GRAMD1B: variants seen among roughly 807,000 people sequenced by gnomAD.
GRAMD1B encodes the protein GRAM domain containing 1B.
GRAMD1B carries 37 observed loss-of-function variants against 99.7 expected under a neutral mutation model. The ratio of observed to expected loss-of-function variants is 0.37; its 90% CI spans 0.29 to 0.49. The LOEUF is 0.49. GRAMD1B is among the 20% of genes least tolerant of loss of function. The pLI, the probability that GRAMD1B is intolerant of heterozygous loss-of-function variation, is 0.98. For missense variants in GRAMD1B, 888 were observed against 1,009.2 expected, an observed-to-expected ratio of 0.88 and a Z score of 1.63; for synonymous variants, 427 against 387.6, an observed-to-expected ratio of 1.10 and a Z score of -1.19.
chr11:123,490,677 G>A (rs902504750), intron 2 of GRAMD1B, among the ~76,000 whole-genome samples: 1 of 152,218 alleles, frequency 6.6e-6, no homozygotes, highest in African/African-American at 2.4e-5. Flanking sequence ...GTACATATGG[G>A]TGTGAGAGAA....
Position 123,625,394 on chromosome 11 carries a change from C to T in GRAMD1B, c.*2799C>T, listed in dbSNP as rs1438758009. ...ATTTTAAAGAATTTGCAGTTTCTAACAAGGTGAAGAACAGCTATAGGATCT... is the reference window on the plus strand; with the variant it reads ...ATTTTAAAGAATTTGCAGTTTCTAATAAGGTGAAGAACAGCTATAGGATCT... On this transcript the variant is annotated 3_prime_UTR_variant, in exon 20 of 20. Transcript: ENST00000635736. 1 of 152,196 alleles carries T rather than the reference C, an allele frequency of 6.6e-6. No homozygotes were observed. Among genetic ancestry groups the T allele is most frequent in the Admixed American group, 6.5e-5 (1 of 15,276 alleles). The allele number at this position is 152,196 out of a possible 1,614,324, so 9.4% of individuals were successfully genotyped here. A position where few individuals can be genotyped will look rare whatever the true frequency, so the allele number is the denominator to read the frequency against.
chr11:123,388,714 C>CAAAG (rs910443148), intron 1 of GRAMD1B, among the ~76,000 whole-genome samples: 2 of 145,192 alleles, frequency 1.4e-5, no homozygotes, highest in African/African-American at 5.2e-5. Flanking sequence ...AACAAACAAA[C>CAAAG]AAAGAAGAGG....
chr11:123,381,626 G>A (rs948494548), intron 1 of GRAMD1B: 2 of 152,434 alleles, frequency 1.3e-5, no homozygotes, highest in South Asian at 2.1e-4. Context: ...TAATATATAG[G>A]TTGAAGGTTC....
intron 2 of GRAMD1B, among the ~76,000 whole-genome samples, chr11:123,554,025 C>G (rs1362822908): frequency 6.6e-6 from 1 of 152,100 alleles, no homozygotes; most frequent in Non-Finnish European, 1.5e-5. Flanking sequence ...TTTCCTTGAC[C>G]CTCTTTCACT....
chr11:123,597,256 CTTT>C (rs71060518), intron 7 of GRAMD1B, among the ~76,000 whole-genome samples: 21 of 76,562 alleles, frequency 2.7e-4, no homozygotes, highest in African/African-American at 9.4e-4. Context: ...GCCACTATGC[CTTT>C]TTTTTTTTTT....
chr11:123,358,998 C>T (rs1005257049), intron 1 of GRAMD1B, among the ~76,000 whole-genome samples: 3 of 152,152 alleles, frequency 2.0e-5, no homozygotes, highest in African/African-American at 7.2e-5. Context: ...TATGGTTTGG[C>T]TGAGGTGTCC....
intron 1 of GRAMD1B, among the ~76,000 whole-genome samples, chr11:123,444,759 C>T (rs1003402801): frequency 2.6e-5 from 4 of 152,208 alleles, no homozygotes; most frequent in African/African-American, 9.6e-5. Context: ...AGCACCTGCA[C>T]GAGTTCAGCA....
intron 1 of GRAMD1B, among the ~76,000 whole-genome samples, chr11:123,392,629 A>G (rs982479957): frequency 1.3e-5 from 2 of 152,096 alleles, no homozygotes; most frequent in Non-Finnish European, 2.9e-5. Flanking sequence ...AAGTTTTATC[A>G]TTCTATAAAG....
At chr11:123,543,660 C>T (rs1307816329) in intron 2 of GRAMD1B, among the ~76,000 whole-genome samples, 1 of 152,224 alleles carries the variant, frequency 6.6e-6, no homozygotes, top group African/African-American at 2.4e-5. Flanking sequence ...AGTCAAGTAA[C>T]TGGGTAAAAT....
intron 1 of GRAMD1B, among the ~76,000 whole-genome samples, chr11:123,371,324 T>G (rs1246513437): frequency 6.6e-6 from 1 of 152,166 alleles, no homozygotes. Flanking sequence ...CCAGGTCTTA[T>G]GATTATGTAC....
intron 15 of GRAMD1B, 34 bp downstream of exon 15, chr11:123,612,898 G>T: frequency 8.0e-7 from 1 of 1,250,416 alleles, no homozygotes; most frequent in Non-Finnish European, 1.2e-6. Flanking sequence ...TAGCTGGGCT[G>T]CAGAGATGGT....
intron 1 of GRAMD1B, among the ~76,000 whole-genome samples, chr11:123,474,585 T>C (rs1299070416): frequency 1.3e-5 from 2 of 152,294 alleles, no homozygotes; most frequent in Admixed American, 1.3e-4. Flanking sequence ...AGAAGGCTAA[T>C]AAGAAACAAA....
At chr11:123,613,207 C>A in intron 15 of GRAMD1B, 1 of 568,548 alleles carries the variant, frequency 1.8e-6, no homozygotes, top group Admixed American at 3.1e-5. Flanking sequence ...GACGTGTATG[C>A]CCCAAATTGT....
At position 123,604,093 on chromosome 11, in the gene GRAMD1B, G is replaced by A. The variant is rs142526282; in HGVS notation, c.1166+552G>A. 4.2e-3 allele frequency among the ~76,000 whole-genome samples: 643 copies of A among 152,310 alleles called. 5 individuals are homozygous for A. Among genetic ancestry groups the A allele is most frequent in the African/African-American group, 0.015 (606 of 41,568 alleles). ...TACTGTAGGCAAAGCAGGTTTCAGG[G>A]GAAAGATCAGGAGGGTAGTTTTAGG... On this transcript the variant is annotated intron_variant, in intron 9 of 19. Coordinates refer to ENST00000635736, the MANE Select transcript of GRAMD1B (RefSeq NM_001387025.1).
intron 2 of GRAMD1B, among the ~76,000 whole-genome samples, chr11:123,513,613 C>CTTTCTTT (rs1491409860): frequency 1.1e-3 from 45 of 40,540 alleles, no homozygotes; most frequent in African/African-American, 2.2e-3. Flanking sequence ...TTCCTTCCTT[C>CTTTCTTT]CTTCCTTTCT....
Position 123,490,774 on chromosome 11 carries a change from G to A in GRAMD1B, c.452+9881G>A, listed in dbSNP as rs141135545. 8.9e-3 allele frequency among the ~76,000 whole-genome samples: 1,357 copies of A among 152,282 alleles called. 9 individuals carry two copies. Among genetic ancestry groups the A allele is most frequent in the Non-Finnish European group, 0.012 (849 of 68,022 alleles). ...TGAAAGGTAAGGAAGCAGAGTTTTA[G>A]AGGAGGCAAGAGAAGGTTGGGTCAG... On this transcript the variant is annotated intron_variant, in intron 2 of 19. Coordinates refer to ENST00000635736, the MANE Select transcript of GRAMD1B (RefSeq NM_001387025.1).
At chr11:123,601,515 A>ATGTGTGTGTGTGTGTGTG (rs4063751) in intron 8 of GRAMD1B, among the ~76,000 whole-genome samples, 15 of 148,806 alleles carry the variant, frequency 1.0e-4, no homozygotes, top group African/African-American at 3.5e-4. Flanking sequence ...ATTAATTTTT[A>ATGTGTGTGTGTGTGTGTG]TGTGTGTGTG....
intron 1 of GRAMD1B, among the ~76,000 whole-genome samples, chr11:123,433,590 G>C (rs1949006503): frequency 6.6e-6 from 1 of 152,026 alleles, no homozygotes; most frequent in Admixed American, 6.6e-5. Flanking sequence ...AGAGTTCAAG[G>C]CTTTAGTAGG....
chr11:123,592,803 G>A (rs1011165112), intron 4 of GRAMD1B, among the ~76,000 whole-genome samples: 6 of 152,120 alleles, frequency 3.9e-5, no homozygotes, highest in African/African-American at 1.4e-4. Flanking sequence ...GTGGAGTGTG[G>A]GTGTCTCCGT....
Sources: gnomAD v4.1 joint callset for allele counts (sites outside exome capture counted in the v4.1 genomes callset) on GRCh38, gnomAD v4.1.1 for gene constraint, MANE v1.5 for transcripts, NCBI Gene and HGNC (gene_info 2026-07-23, HGNC 2026-07-21) for gene names.